Variants in VPS8 observed in about 807,000 individuals in gnomAD.
VPS8 encodes the protein vacuolar protein sorting-associated protein 8 homolog.
VPS8 carries 129 observed loss-of-function variants against 216.4 expected under a neutral mutation model. The observed-to-expected ratio is 0.60, with a 90% confidence interval of 0.52 to 0.69. VPS8 has a LOEUF of 0.69. VPS8 is among the 30% of genes least tolerant of loss of function. The probability of loss-of-function intolerance (pLI) is 0.00; values close to 1 mark genes in which losing one functional copy is unlikely to be tolerated. For synonymous variants in VPS8, 571 were observed against 565.4 expected, an observed-to-expected ratio of 1.01 and a Z score of -0.14; for missense variants, 1,531 against 1,683.5, an observed-to-expected ratio of 0.91 and a Z score of 1.59.
chr3:184,835,408 G>A (rs1720843676), intron 5 of VPS8, among the ~76,000 whole-genome samples: 1 of 152,166 alleles, frequency 6.6e-6, no homozygotes. Context: ...CTGGAACAGA[G>A]TATCTGTGGC....
At chr3:184,984,741 G>A (rs1750806084) in intron 42 of VPS8, among the ~76,000 whole-genome samples, 1 of 151,906 alleles carries the variant, frequency 6.6e-6, no homozygotes, top group African/African-American at 2.4e-5. Context: ...TCTCCATAAG[G>A]GCAGGAATAC....
chr3:184,898,178 T>A (rs1366765249), intron 23 of VPS8, among the ~76,000 whole-genome samples: 1 of 152,166 alleles, frequency 6.6e-6, no homozygotes, highest in Non-Finnish European at 1.5e-5. Context: ...CAATGTAAGT[T>A]CTATAAGGGT....
chr3:184,834,754 G>A lies in VPS8; in HGVS notation c.447+12G>A. The A allele has an allele frequency of 6.5e-7, 1 of 1,549,078 alleles. No homozygotes were observed. The highest frequency in any genetic ancestry group is 1.2e-5 in the South Asian group (1 of 83,750). ...TAGTGTCTGCAGCTGTAAGTATTTT[G>A]TTCTTTTCCCTCAACTTTGTAACCT... On this transcript the variant is annotated intron_variant, in intron 5 of 47. Transcript: ENST00000625842.
At chr3:185,046,514 CAG>C (rs1381990824) in intron 46 of VPS8, among the ~76,000 whole-genome samples, 1 of 152,140 alleles carries the variant, frequency 6.6e-6, no homozygotes, top group Non-Finnish European at 1.5e-5. Context: ...AACAAAGACT[CAG>C]AGGAGAGATG....
intron 28 of VPS8, among the ~76,000 whole-genome samples, chr3:184,917,292 A>G (rs1231578203): frequency 2.0e-5 from 3 of 152,248 alleles, no homozygotes; most frequent in Non-Finnish European, 4.4e-5. Flanking sequence ...AAAAAATTCA[A>G]TATAGCTGCA....
At chr3:185,044,543 C>G (rs1293202433) in intron 46 of VPS8, among the ~76,000 whole-genome samples, 2 of 151,910 alleles carry the variant, frequency 1.3e-5, no homozygotes. Flanking sequence ...CAGTGTTTTT[C>G]CCCTGTGCTG....
chr3:184,953,587 A>C (rs1560840667), intron 36 of VPS8, among the ~76,000 whole-genome samples: 2 of 152,166 alleles, frequency 1.3e-5, no homozygotes, highest in African/African-American at 4.8e-5. Flanking sequence ...TCTGCATGAC[A>C]GTGGTTGGCA....
At chr3:185,030,778 T>A (rs1758006983) in intron 46 of VPS8, among the ~76,000 whole-genome samples, 1 of 152,184 alleles carries the variant, frequency 6.6e-6, no homozygotes, top group Non-Finnish European at 1.5e-5. Flanking sequence ...TGGAGTTTTT[T>A]AAGAGACGAT....
intron 20 of VPS8, 57 bp downstream of exon 20, chr3:184,869,585 T>C: frequency 1.9e-6 from 3 of 1,569,608 alleles, no homozygotes; most frequent in Non-Finnish European, 2.6e-6. Flanking sequence ...TTTTGTCATT[T>C]GCCAGTATCT....
chr3:185,025,268 G>A (rs532362704), intron 46 of VPS8, among the ~76,000 whole-genome samples: 5 of 152,282 alleles, frequency 3.3e-5, no homozygotes, highest in Middle Eastern at 3.4e-3. Context: ...AGCTGTAAAA[G>A]TGCAGTTGAA....
In VPS8 at chr3:185,014,013, G is replaced by A. The variant is rs375157025; in HGVS notation, c.4003-10323G>A. On this transcript the variant is annotated intron_variant, in intron 45 of 47. Coordinates refer to ENST00000625842, the MANE Select transcript of VPS8 (RefSeq NM_001009921.3). Reference sequence around the variant, plus strand: ...TTGAGGGCAGTATCTCTCACTTATAGGAATAGCTTTATTATGGTAAATCCT... The same window carrying A: ...TTGAGGGCAGTATCTCTCACTTATAAGAATAGCTTTATTATGGTAAATCCT... 2.0e-5 allele frequency among the ~76,000 whole-genome samples: 3 copies of A among 152,284 alleles called. No individual in the cohort carries two copies. In the South Asian group the frequency reaches 6.2e-4, roughly 32 times the overall value.
Position 185,026,055 on chromosome 3 carries a change from T to C in VPS8, c.4056+1666T>C, listed in dbSNP as rs549923947. Among the ~76,000 whole-genome samples the C allele has an allele frequency of 2.0e-5, 3 of 152,296 alleles. No individual in the cohort carries two copies. The South Asian group carries it at 6.2e-4, about 32-fold the overall frequency. On this transcript the variant is annotated intron_variant, in intron 46 of 47. Coordinates refer to ENST00000625842, the MANE Select transcript of VPS8 (RefSeq NM_001009921.3). ...AAAATGCAGGTCTCCCAGCTCCTAA[T>C]CAGATGTCCTCTTACTTTATCATGC...
chr3:184,886,127 A>G lies in VPS8; in HGVS notation c.1752A>G (p.Ile584Met). ...CTCTACAGGATATGGTGCCTGTCAT[A>G]GTTGATTACTGCCTTCTGCTGCAGC... ...EQHFQDMVPVIVDYCLLLQRK... is the reference protein window; with the variant it reads ...EQHFQDMVPVMVDYCLLLQRK... The change falls in exon 22 of 48, where the codon ATA (isoleucine) becomes ATG (methionine). Residue 584 changes from isoleucine (I) to methionine (M), a missense_variant. Ile to Met is a conservative substitution (Grantham distance 10). Around this residue, in one of 3 missense-constraint regions of VPS8, gnomAD observed 1,318 missense variants for 1,468.4 expected, o/e 0.90. Transcript: ENST00000625842. 6.2e-7 allele frequency: 1 copy of G among 1,609,924 alleles called. No homozygotes were observed. Among genetic ancestry groups the G allele is most frequent in the Non-Finnish European group, 8.5e-7 (1 of 1,178,112 alleles).
chr3:184,995,649 T>G (rs757176911), intron 43 of VPS8, among the ~76,000 whole-genome samples: 1 of 152,280 alleles, frequency 6.6e-6, no homozygotes, highest in Admixed American at 6.5e-5. Context: ...CCAGATGATA[T>G]ATATGAATGT....
Position 185,051,980 on chromosome 3 carries a change from G to A in VPS8, c.4242G>A (p.Glu1414=). Residue 1414 remains glutamate, a synonymous_variant, in exon 48 of 48, where the codon GAG becomes GAA. Coordinates refer to ENST00000625842, the MANE Select transcript of VPS8 (RefSeq NM_001009921.3). The part of the protein sequence containing the change: ...APAFNSIFQN[E]NFQLQLIPPP... ...CTTTCAACAGCATCTTCCAGAATGAGAACTTCCAGCTGCAGCTCATTCCTC... is the reference window on the plus strand; with the variant it reads ...CTTTCAACAGCATCTTCCAGAATGAAAACTTCCAGCTGCAGCTCATTCCTC... 1 of 1,612,278 alleles carries A rather than the reference G, an allele frequency of 6.2e-7. No individual in the cohort carries two copies. The highest frequency in any genetic ancestry group is 2.2e-5 in the East Asian group (1 of 44,838).
At chr3:184,944,019 T>A (rs1438307200) in intron 36 of VPS8, among the ~76,000 whole-genome samples, 2 of 149,862 alleles carry the variant, frequency 1.3e-5, no homozygotes, top group African/African-American at 2.5e-5. Flanking sequence ...GGAGAATTGC[T>A]TGAACCTGGG....
intron 36 of VPS8, among the ~76,000 whole-genome samples, chr3:184,955,397 T>C (rs1036594957): frequency 2.0e-5 from 3 of 152,190 alleles, no homozygotes; most frequent in Non-Finnish European, 4.4e-5. Flanking sequence ...CTTCTCTATC[T>C]CTGCGGTGGC....
chr3:184,955,706 T>C (rs1330419032), intron 36 of VPS8, among the ~76,000 whole-genome samples: 3 of 152,178 alleles, frequency 2.0e-5, no homozygotes, highest in African/African-American at 7.2e-5. Context: ...TTTTCCTCTG[T>C]TTGAAGGCAG....
At chr3:184,941,113 A>G (rs1181789716) in intron 36 of VPS8, among the ~76,000 whole-genome samples, 2 of 152,246 alleles carry the variant, frequency 1.3e-5, no homozygotes, top group African/African-American at 2.4e-5. Context: ...TATGCTGGCC[A>G]TTGAAAACAA....
Sources: gnomAD v4.1 joint callset for allele counts (sites outside exome capture counted in the v4.1 genomes callset) on GRCh38, gnomAD v4.1.1 for gene constraint, gnomAD v4.1.1 regional missense constraint, MANE v1.5 for transcripts, NCBI Gene and HGNC (gene_info 2026-07-23, HGNC 2026-07-21) for gene names.